The following PRR5 variants were observed in gnomAD, a reference collection of about 807,000 sequenced individuals.
The protein encoded by PRR5 is proline-rich protein 5.
In PRR5, 25 loss-of-function variants were observed where a neutral mutation model predicts 30.6. The ratio of observed to expected loss-of-function variants is 0.82; its 90% CI spans 0.60 to 1.14. The LOEUF is 1.14. Among genes scored for constraint, PRR5 ranks in the 50% most tolerant of loss-of-function variants. The pLI, the probability that PRR5 is intolerant of heterozygous loss-of-function variation, is 0.00. For synonymous variants in PRR5, 286 were observed against 247.1 expected (o/e 1.16, Z -1.48); for missense variants, 600 against 547.1 (o/e 1.10, Z -0.96).
At chr22:44,700,309 A>T (rs930725639), upstream of PRR5, among the ~76,000 whole-genome samples, 1 of 152,160 alleles carries the variant, frequency 6.6e-6, no homozygotes, top group Non-Finnish European at 1.5e-5. Context: ...ACTAATAAAT[A>T]AAAAAATCAG....
At chr22:44,694,404 G>A (rs890145511) in intron 1 of PRR5, among the ~76,000 whole-genome samples, 7 of 152,176 alleles carry the variant, frequency 4.6e-5, no homozygotes, top group African/African-American at 1.7e-4. Flanking sequence ...CAGGTGTGGT[G>A]GTGCATGCCT....
Position 44,737,209 on chromosome 22 carries a change from G to T in PRR5, c.1129G>T (p.Asp377Tyr), listed in dbSNP as rs759677215. The T allele has an allele frequency of 6.2e-7, 1 of 1,608,794 alleles. No individual in the cohort carries two copies. Among genetic ancestry groups the T allele is most frequent in the Non-Finnish European group, 8.5e-7 (1 of 1,176,756 alleles). ...FGRGRGSGMS[D>Y]LEGSGGRQSV... Reference sequence around the variant, plus strand: ...CCGGGGCCGGGGCTCTGGCATGTCCGACTTGGAGGGCTCTGGGGGCCGGCA... The same window carrying T: ...CCGGGGCCGGGGCTCTGGCATGTCCTACTTGGAGGGCTCTGGGGGCCGGCA... Residue 377 changes from aspartate (D) to tyrosine (Y), a missense_variant, in exon 8 of 8, where the codon GAC becomes TAC. Coordinates refer to ENST00000336985, the MANE Select transcript of PRR5 (RefSeq NM_181333.4).
chr22:44,731,210 C>CGGTGGTCGCCGTATCATTAA, intron 4 of PRR5: 3 of 265,332 alleles, frequency 1.1e-5, no homozygotes, highest in Non-Finnish European at 7.5e-6. Flanking sequence ...GTGTAGGTCT[C>CGGTGGTCGCCGTATCATTAA]ACCTGTGCCA....
intron 1 of PRR5, among the ~76,000 whole-genome samples, chr22:44,677,934 A>C (rs1465777501): frequency 6.6e-6 from 1 of 152,118 alleles, no homozygotes; most frequent in African/African-American, 2.4e-5. Flanking sequence ...GTTTCCAGAG[A>C]GGCCCTGGCA....
At chr22:44,718,393 C>T (rs1196140208) in intron 2 of PRR5, among the ~76,000 whole-genome samples, 2 of 151,954 alleles carry the variant, frequency 1.3e-5, no homozygotes, top group Non-Finnish European at 2.9e-5. Flanking sequence ...CAGGGTTTCA[C>T]CATGTTGGCC....
At chr22:44,729,876 C>T (rs759076909) in intron 4 of PRR5, 7 of 985,488 alleles carry the variant, frequency 7.1e-6, no homozygotes, top group South Asian at 9.4e-5. Flanking sequence ...CCGGCCAGCC[C>T]GGGAACTGAG....
At chr22:44,735,558 C>T (rs1303711088) in intron 7 of PRR5, among the ~76,000 whole-genome samples, 3 of 152,234 alleles carry the variant, frequency 2.0e-5, no homozygotes, top group African/African-American at 4.8e-5. Flanking sequence ...AGGCTGAGCC[C>T]TGTGGGCAGC....
chr22:44,713,696 C>T (rs970537406), intron 1 of PRR5, among the ~76,000 whole-genome samples: 10 of 152,108 alleles, frequency 6.6e-5, no homozygotes, highest in African/African-American at 1.4e-4. Flanking sequence ...ACACCAGTCA[C>T]GTTGAGCAGT....
chr22:44,701,040 G>A (rs750999188), upstream of PRR5, among the ~76,000 whole-genome samples: 3 of 148,198 alleles, frequency 2.0e-5, no homozygotes, highest in Non-Finnish European at 3.0e-5. Flanking sequence ...GCACCACCAC[G>A]CCCAGCTAAT....
Position 44,702,585 on chromosome 22 carries a change from C to T in PRR5, c.111C>T (p.Ala37=), listed in dbSNP as rs759725741. The T allele has an allele frequency of 6.1e-5, 85 of 1,385,378 alleles. No individual in the cohort carries two copies. The highest frequency in any genetic ancestry group is 4.7e-4 in the Admixed American group (13 of 27,582). The allele number at this position is 1,385,378 out of a possible 1,614,324, so 85.8% of individuals were successfully genotyped here. The change falls in exon 1 of 8, where the codon GCC becomes GCT. Residue 37 remains alanine (A), a synonymous_variant. Transcript: ENST00000336985. ...AGCGGGGCACGCAGCAGCGCCGGGC[C>T]TGCGCCAACGCCACCTGGAACAGGT... The part of the protein sequence containing the change: ...ADERGTQQRR[A]CANATWNSIH...
chr22:44,684,727 G>A (rs1024660699), intron 1 of PRR5, among the ~76,000 whole-genome samples: 1 of 152,234 alleles, frequency 6.6e-6, no homozygotes, highest in East Asian at 1.9e-4. Context: ...CAGCGGGTGT[G>A]GGTGCAGAGC....
At chr22:44,675,919 G>A (rs1049814500), upstream of PRR5, among the ~76,000 whole-genome samples, 2 of 151,700 alleles carry the variant, frequency 1.3e-5, no homozygotes, top group African/African-American at 2.4e-5. Context: ...CCTGATGTTC[G>A]GTTTCCCCCA....
chr22:44,733,691 G>C (rs1388837351), intron 6 of PRR5, among the ~76,000 whole-genome samples: 1 of 152,144 alleles, frequency 6.6e-6, no homozygotes, highest in Non-Finnish European at 1.5e-5. Flanking sequence ...TCACAACCAA[G>C]TCACTGCTCC....
chr22:44,692,282 C>A (rs368903221), intron 1 of PRR5, among the ~76,000 whole-genome samples: 1 of 129,162 alleles, frequency 7.7e-6, no homozygotes, highest in Non-Finnish European at 1.7e-5. Flanking sequence ...CTCCCACGCT[C>A]CTCCACCAGG....
chr22:44,708,367 G>C (rs1276230647), intron 1 of PRR5, among the ~76,000 whole-genome samples: 1 of 152,120 alleles, frequency 6.6e-6, no homozygotes, highest in African/African-American at 2.4e-5. Context: ...GCCAGGGCTA[G>C]GTGGGTGTTG....
intron 6 of PRR5, among the ~76,000 whole-genome samples, chr22:44,732,824 CACGCACATACT>C (rs1488918346): frequency 1.9e-4 from 13 of 68,268 alleles, no homozygotes; most frequent in South Asian, 1.7e-3. Context: ...TACACGTGTG[CACGCACATACT>C]ACACACGTGC....
At chr22:44,705,506 G>A (rs1927052389) in intron 1 of PRR5, among the ~76,000 whole-genome samples, 2 of 151,350 alleles carry the variant, frequency 1.3e-5, no homozygotes, top group African/African-American at 2.4e-5. Context: ...TGTACTTTTA[G>A]TAGAGACGGG....
chr22:44,680,367 C>G lies in PRR5; in HGVS notation c.-11+3127C>G, dbSNP rs533071494. On this transcript the variant is annotated intron_variant, in intron 1 of 8. Coordinates refer to the PRR5 transcript ENST00000006251. ...CTGGAATGGCATGTCCCTCCCCCACCCTAAAGTGCACGTTTAGTGGAAGGA... is the reference window on the plus strand; with the variant it reads ...CTGGAATGGCATGTCCCTCCCCCACGCTAAAGTGCACGTTTAGTGGAAGGA... 2.6e-5 allele frequency among the ~76,000 whole-genome samples: 4 copies of G among 152,240 alleles called. No homozygotes were observed. In the South Asian group the frequency reaches 6.2e-4, roughly 24 times the overall value.
At chr22:44,725,434 T>C (rs1920927714) in intron 3 of PRR5, 142 bp downstream of exon 3, 5 of 1,100,894 alleles carry the variant, frequency 4.5e-6, no homozygotes, top group Admixed American at 4.7e-5. Flanking sequence ...TCGTTCCTTA[T>C]CTAGCCACGT....
Sources: allele counts gnomAD v4.1 joint callset (sites outside exome capture counted in the v4.1 genomes callset), GRCh38; gene constraint gnomAD v4.1.1; transcripts MANE v1.5; gene names NCBI Gene and HGNC (gene_info 2026-07-23, HGNC 2026-07-21).